RGL1: variants seen among roughly 807,000 people sequenced by gnomAD.
RGL1 encodes the protein ral guanine nucleotide dissociation stimulator-like 1.
Under a neutral mutation model 95.2 loss-of-function variants are expected in RGL1, and 24 were observed. The ratio of observed to expected loss-of-function variants is 0.25; its 90% CI spans 0.18 to 0.35. RGL1 has a LOEUF of 0.35. Ranked by LOEUF, RGL1 falls within the 10% of genes least tolerant of loss-of-function variation. The pLI, the probability that RGL1 is intolerant of heterozygous loss-of-function variation, is 1.00. For synonymous variants in RGL1, 329 were observed against 344.9 expected (o/e 0.95, Z 0.51); for missense variants, 715 against 936.3 (o/e 0.76, Z 3.08).
chr1:183,734,916 G>A (rs1206411395), intron 1 of RGL1, among the ~76,000 whole-genome samples: 1 of 152,194 alleles, frequency 6.6e-6, no homozygotes, highest in Non-Finnish European at 1.5e-5. Context: ...TGACCAGACG[G>A]CTGCACTGAA....
chr1:183,812,429 T>C (rs1371528961), intron 2 of RGL1, among the ~76,000 whole-genome samples: 1 of 152,226 alleles, frequency 6.6e-6, no homozygotes, highest in Non-Finnish European at 1.5e-5. Context: ...TATTTCTATA[T>C]GATTCTGTCA....
chr1:183,926,539 C>A lies in RGL1; in HGVS notation c.*247C>A. ...ATTTGAGACTAAAATGCAGAATTACCAACATTTAAAACATATATATGCACA... is the reference window on the plus strand; with the variant it reads ...ATTTGAGACTAAAATGCAGAATTACAAACATTTAAAACATATATATGCACA... On this transcript the variant is annotated 3_prime_UTR_variant, in exon 18 of 18. Coordinates refer to ENST00000360851, the MANE Select transcript of RGL1 (RefSeq NM_001297671.3). 2 of 306,170 alleles carry A rather than the reference C, an allele frequency of 6.5e-6. No individual in the cohort carries two copies. The highest frequency in any genetic ancestry group is 6.1e-6 in the Non-Finnish European group (1 of 164,150). The allele number at this position is 306,170 out of a possible 1,614,324, so 19.0% of individuals were successfully genotyped here. A position where few individuals can be genotyped will look rare whatever the true frequency, so the allele number is the denominator to read the frequency against.
chr1:183,805,279 A>G lies in RGL1; in HGVS notation c.-19A>G, dbSNP rs764062282. On this transcript the variant is annotated 5_prime_UTR_variant, in exon 1 of 18. Transcript: ENST00000360851. ...AGGGCGCATCATGCAGCGTTCGCGC[A>G]CCGGAGAGAAAACTGAGAATGAAAT... The G allele has an allele frequency of 6.2e-7, 1 of 1,611,384 alleles. No individual in the cohort carries two copies. The highest frequency in any genetic ancestry group is 1.1e-5 in the South Asian group (1 of 90,474).
At chr1:183,770,577 G>A (rs974901050) in intron 2 of RGL1, among the ~76,000 whole-genome samples, 5 of 152,142 alleles carry the variant, frequency 3.3e-5, no homozygotes, top group Admixed American at 1.3e-4. Flanking sequence ...TCTCAAATCC[G>A]TCTCCTCAAC....
intron 4 of RGL1, among the ~76,000 whole-genome samples, chr1:183,872,424 T>C (rs187194165): frequency 6.6e-6 from 1 of 152,358 alleles, no homozygotes; most frequent in East Asian, 1.9e-4. Context: ...TCTGTTTTCT[T>C]TTCTTTAATT....
intron 2 of RGL1, among the ~76,000 whole-genome samples, chr1:183,774,696 C>T (rs1659499204): frequency 1.3e-5 from 2 of 151,396 alleles, no homozygotes; most frequent in South Asian, 4.2e-4. Flanking sequence ...CTGCTTCAGC[C>T]TCCCGAGTAG....
intron 4 of RGL1, among the ~76,000 whole-genome samples, chr1:183,874,186 T>C (rs572617863): frequency 2.4e-4 from 33 of 135,388 alleles, no homozygotes; most frequent in African/African-American, 8.4e-4. Context: ...GTTTTATTAT[T>C]CTTATTTTAC....
At chr1:183,722,213 T>G (rs1315460587) in intron 1 of RGL1, among the ~76,000 whole-genome samples, 1 of 150,072 alleles carries the variant, frequency 6.7e-6, no homozygotes, top group African/African-American at 2.5e-5. Flanking sequence ...GAGAGAACAC[T>G]TAATAGTCTG....
intron 1 of RGL1, among the ~76,000 whole-genome samples, chr1:183,650,921 G>T (rs1650703763): frequency 6.6e-6 from 1 of 151,746 alleles, no homozygotes; most frequent in African/African-American, 2.4e-5. Flanking sequence ...ATGCTTATTG[G>T]TCTGTGGTAT....
intron 1 of RGL1, among the ~76,000 whole-genome samples, chr1:183,673,143 G>A (rs1483982060): frequency 1.3e-5 from 2 of 152,170 alleles, no homozygotes; most frequent in Non-Finnish European, 2.9e-5. Context: ...CAGATACTGT[G>A]AGTATGAGAC....
At chr1:183,830,540 C>CTCTGTTT (rs1663190048) in intron 2 of RGL1, among the ~76,000 whole-genome samples, 1 of 152,074 alleles carries the variant, frequency 6.6e-6, no homozygotes, top group Non-Finnish European at 1.5e-5. Context: ...TATTCCCACT[C>CTCTGTTT]TCTGTTTTCG....
At chr1:183,864,209 T>G (rs1253909947) in intron 3 of RGL1, among the ~76,000 whole-genome samples, 1 of 152,230 alleles carries the variant, frequency 6.6e-6, no homozygotes, top group Non-Finnish European at 1.5e-5. Context: ...CTTTCCCTGG[T>G]GTTTTCCCTT....
chr1:183,638,311 CA>C (rs1278318374), intron 1 of RGL1, among the ~76,000 whole-genome samples: 1 of 152,128 alleles, frequency 6.6e-6, no homozygotes, highest in African/African-American at 2.4e-5. Context: ...ATGCTTATTG[CA>C]TTTAAGATGT....
intron 1 of RGL1, among the ~76,000 whole-genome samples, chr1:183,698,638 T>C (rs886623706): frequency 6.6e-6 from 1 of 152,246 alleles, no homozygotes; most frequent in African/African-American, 2.4e-5. Flanking sequence ...TATTTTGAAA[T>C]GCTACAACTT....
At chr1:183,690,027 A>C (rs928191513) in intron 1 of RGL1, among the ~76,000 whole-genome samples, 1 of 152,188 alleles carries the variant, frequency 6.6e-6, no homozygotes, top group Non-Finnish European at 1.5e-5. Flanking sequence ...GAAAAGTTAG[A>C]AACCCACATG....
intron 2 of RGL1, among the ~76,000 whole-genome samples, chr1:183,763,584 G>A (rs1049647406): frequency 6.6e-6 from 1 of 152,100 alleles, no homozygotes; most frequent in African/African-American, 2.4e-5. Context: ...AACCTAACAA[G>A]TACTTATTAA....
At chr1:183,907,623 A>G (rs551312076) in intron 14 of RGL1, among the ~76,000 whole-genome samples, 5 of 152,262 alleles carry the variant, frequency 3.3e-5, no homozygotes, top group African/African-American at 1.2e-4. Context: ...GCTCCTTCAA[A>G]TATTAGCAAA....
intron 1 of RGL1, among the ~76,000 whole-genome samples, chr1:183,703,462 G>C (rs1654721446): frequency 6.6e-6 from 1 of 152,164 alleles, no homozygotes; most frequent in African/African-American, 2.4e-5. Context: ...GTCCCTACCA[G>C]CATTTTAAAT....
intron 1 of RGL1, among the ~76,000 whole-genome samples, chr1:183,686,676 T>G (rs944327020): frequency 2.0e-5 from 3 of 152,174 alleles, no homozygotes; most frequent in African/African-American, 7.2e-5. Flanking sequence ...AGCCACGATT[T>G]AAATCCCTTC....
Sources: allele counts gnomAD v4.1 joint callset (sites outside exome capture counted in the v4.1 genomes callset), GRCh38; gene constraint gnomAD v4.1.1; transcripts MANE v1.5; gene names NCBI Gene and HGNC (gene_info 2026-07-23, HGNC 2026-07-21).